PKHD1: variants seen among roughly 807,000 people sequenced by gnomAD.
The protein encoded by PKHD1 is fibrocystin.
PKHD1 carries 291 observed loss-of-function variants against 412.0 expected under a neutral mutation model. That is an observed-to-expected ratio of 0.71 (90% CI 0.64 to 0.78). The LOEUF (loss-of-function observed/expected upper bound fraction) is 0.78, where lower values mean the gene tolerates loss of function less well. Among genes scored for constraint, PKHD1 ranks in the 30% least tolerant of loss-of-function variants. The probability of loss-of-function intolerance (pLI) is 0.00; values close to 1 mark genes in which losing one functional copy is unlikely to be tolerated. For missense variants in PKHD1, 4,825 were observed against 4,950.7 expected (o/e 0.97, Z 0.76); for synonymous variants, 1,777 against 1,821.5 (o/e 0.98, Z 0.62).
chr6:51,980,052 A>G (rs556169299), intron 35 of PKHD1, among the ~76,000 whole-genome samples: 81 of 152,300 alleles, frequency 5.3e-4, no homozygotes, highest in African/African-American at 1.9e-3. Flanking sequence ...AGTCACATGT[A>G]TATTACAAGT....
intron 37 of PKHD1, among the ~76,000 whole-genome samples, chr6:51,926,591 A>T (rs1785664666): frequency 6.6e-6 from 1 of 152,288 alleles, no homozygotes; most frequent in African/African-American, 2.4e-5. Flanking sequence ...ATACATTTAC[A>T]TGCAAACACC....
At chr6:52,050,580 C>T (rs989717813) in intron 21 of PKHD1, among the ~76,000 whole-genome samples, 2 of 152,196 alleles carry the variant, frequency 1.3e-5, no homozygotes, top group South Asian at 4.1e-4. Flanking sequence ...TCCCTATGCT[C>T]TTGGAGGCAC....
intron 60 of PKHD1, among the ~76,000 whole-genome samples, chr6:51,707,156 G>A (rs910115157): frequency 2.0e-5 from 3 of 152,166 alleles, no homozygotes; most frequent in African/African-American, 7.2e-5. Context: ...CATTAAGTAT[G>A]CTGGGGAGTG....
intron 60 of PKHD1, among the ~76,000 whole-genome samples, chr6:51,733,848 T>C (rs1783522305): frequency 6.6e-6 from 1 of 152,156 alleles, no homozygotes; most frequent in African/African-American, 2.4e-5. Context: ...AGCCTAACAA[T>C]AACAAGTTAT....
At chr6:51,630,479 T>C (rs1767793416) in intron 65 of PKHD1, among the ~76,000 whole-genome samples, 1 of 152,202 alleles carries the variant, frequency 6.6e-6, no homozygotes, top group Admixed American at 6.6e-5. Context: ...TTACATGCAA[T>C]GCATGTATTA....
chr6:51,770,893 T>C (rs925295426), intron 55 of PKHD1, among the ~76,000 whole-genome samples: 1 of 152,060 alleles, frequency 6.6e-6, no homozygotes, highest in South Asian at 2.1e-4. Context: ...ATTTTGTCAA[T>C]GTGGTTAACA....
At position 51,772,809 on chromosome 6, in the gene PKHD1, C is replaced by G; in HGVS notation, c.8555-20G>C. 7.4e-7 allele frequency: 1 copy of G among 1,347,232 alleles called. No homozygotes were observed. The highest frequency in any genetic ancestry group is 1.1e-6 in the Non-Finnish European group (1 of 937,336). The allele number at this position is 1,347,232 out of a possible 1,614,324, so 83.5% of individuals were successfully genotyped here. On this transcript the variant is annotated intron_variant, in intron 54 of 66. Transcript: ENST00000371117. ...AAACCCCTGAAAATAAAAGGAGTAA[C>G]AGTTGGATAGAAAAATCCTTCAGAG...
At chr6:51,899,211 C>A (rs911778335) in intron 43 of PKHD1, among the ~76,000 whole-genome samples, 14 of 150,898 alleles carry the variant, frequency 9.3e-5, no homozygotes, top group Admixed American at 2.6e-4. Context: ...GAGACACAAC[C>A]AAAAAAGAGA....
intron 35 of PKHD1, among the ~76,000 whole-genome samples, chr6:52,006,368 G>GTTA (rs1250197899): frequency 2.0e-4 from 23 of 114,658 alleles, no homozygotes; most frequent in Non-Finnish European, 2.9e-4. Flanking sequence ...TGTTGTTGTT[G>GTTA]TTGTTGTTTG....
chr6:51,659,632 T>A lies in PKHD1; in HGVS notation c.10494A>T (p.Val3498=). The change falls in exon 61 of 67, where the codon GTA becomes GTT. Residue 3498 remains valine (V), a synonymous_variant. Coordinates refer to ENST00000371117, the MANE Select transcript of PKHD1 (RefSeq NM_138694.4). ...NKSTSKLLLA[V]FYHELQSPHV... is the part of the protein sequence containing the mutation. ...GGGGGCTCTGGAGCTCATGGTAGAA[T>A]ACAGCCAAGAGAAGCTTGGAGGTAC... The A allele has an allele frequency of 1.2e-6, 2 of 1,613,446 alleles. No individual in the cohort carries two copies. The highest frequency in any genetic ancestry group is 1.7e-6 in the Non-Finnish European group (2 of 1,179,550).
intron 60 of PKHD1, among the ~76,000 whole-genome samples, chr6:51,738,106 C>T (rs565962911): frequency 5.3e-5 from 8 of 152,228 alleles, no homozygotes; most frequent in Non-Finnish European, 1.0e-4. Context: ...GACAGGTAGC[C>T]GATAGTTTGT....
intron 57 of PKHD1, among the ~76,000 whole-genome samples, chr6:51,752,797 T>G (rs1207128242): frequency 6.6e-6 from 1 of 152,206 alleles, no homozygotes; most frequent in African/African-American, 2.4e-5. Flanking sequence ...ATGGAAATCA[T>G]TTTTATTTAA....
At chr6:51,896,823 G>A (rs958260928) in intron 43 of PKHD1, among the ~76,000 whole-genome samples, 2 of 151,676 alleles carry the variant, frequency 1.3e-5, no homozygotes, top group Admixed American at 6.6e-5. Context: ...GCTTAAAGGA[G>A]CTGATGGAGC....
intron 55 of PKHD1, among the ~76,000 whole-genome samples, chr6:51,763,710 G>A (rs9382014): frequency 0.32 from 48,574 of 151,782 alleles, 9,645 homozygotes; most frequent in East Asian, 0.7. Flanking sequence ...TGTCTTATAG[G>A]GTTTATCTCC....
Position 52,035,652 on chromosome 6 carries a change from G to A in PKHD1, c.3167C>T (p.Ser1056Leu), listed in dbSNP as rs569527505. ...GVSLILFGSYSCAINVATSNS... is the reference protein window; with the variant it reads ...GVSLILFGSYLCAINVATSNS... ...GCTTGTAGCGACATTGATGGCACAC[G>A]AGTAAGATCCAAATAATATCAGGCT... Residue 1056 changes from serine to leucine, a missense_variant, in exon 28 of 67, where the codon TCG becomes TTG. Ser to Leu is a moderately radical substitution (Grantham distance 145). Coordinates refer to ENST00000371117, the MANE Select transcript of PKHD1 (RefSeq NM_138694.4). 22 of 1,613,704 alleles carry A rather than the reference G, an allele frequency of 1.4e-5. No homozygotes were observed. In the South Asian group the frequency reaches 1.4e-4, roughly 10 times the overall value.
At chr6:52,054,344 T>A (rs1282251957) in intron 19 of PKHD1, among the ~76,000 whole-genome samples, 179 bp from the exon 20 acceptor site, 4 of 152,204 alleles carry the variant, frequency 2.6e-5, no homozygotes, top group Admixed American at 2.6e-4. Context: ...TAAATTGTTA[T>A]TTCCCTACCT....
At chr6:51,788,038 G>T in intron 53 of PKHD1, among the ~76,000 whole-genome samples, 1 of 152,180 alleles carries the variant, frequency 6.6e-6, no homozygotes, top group East Asian at 1.9e-4. Flanking sequence ...GAGAATATCT[G>T]CAGTGTAGAA....
intron 61 of PKHD1, among the ~76,000 whole-genome samples, chr6:51,655,793 A>G (rs1036582467): frequency 1.3e-5 from 2 of 152,096 alleles, no homozygotes; most frequent in African/African-American, 2.4e-5. Context: ...ATGAGATACT[A>G]TCTCATGCCA....
intron 35 of PKHD1, among the ~76,000 whole-genome samples, chr6:52,003,188 A>G (rs1177831338): frequency 6.6e-6 from 1 of 152,208 alleles, no homozygotes; most frequent in Non-Finnish European, 1.5e-5. Context: ...TGCATTGAAG[A>G]GTCTAAATGA....
Sources: gnomAD v4.1 joint callset for allele counts (sites outside exome capture counted in the v4.1 genomes callset) on GRCh38, gnomAD v4.1.1 for gene constraint, MANE v1.5 for transcripts, NCBI Gene and HGNC (gene_info 2026-07-23, HGNC 2026-07-21) for gene names.